PAPPA2: variants seen among roughly 807,000 people sequenced by gnomAD.
PAPPA2 encodes pappalysin-2.
PAPPA2 carries 86 observed loss-of-function variants against 176.4 expected under a neutral mutation model. The observed-to-expected ratio is 0.49, with a 90% CI of 0.41 to 0.58. The LOEUF is 0.58. PAPPA2 is among the 20% of genes least tolerant of loss of function. PAPPA2 has a pLI of 0.00. For missense variants in PAPPA2, 2,073 were observed against 2,256.9 expected, an observed-to-expected ratio of 0.92 and a Z score of 1.65; for synonymous variants, 809 against 852.2, an observed-to-expected ratio of 0.95 and a Z score of 0.88.
intron 3 of PAPPA2, among the ~76,000 whole-genome samples, chr1:176,627,578 A>T (rs1470282175): frequency 6.6e-6 from 1 of 152,204 alleles, no homozygotes; most frequent in African/African-American, 2.4e-5. Context: ...AAAGAGTCTT[A>T]AAAAAGGTGT....
intron 1 of PAPPA2, among the ~76,000 whole-genome samples, chr1:176,520,268 C>G (rs964510024): frequency 6.6e-6 from 1 of 152,182 alleles, no homozygotes; most frequent in Non-Finnish European, 1.5e-5. Flanking sequence ...AGAGACTGTA[C>G]CATGCTGGAG....
intron 3 of PAPPA2, among the ~76,000 whole-genome samples, chr1:176,623,193 A>G (rs779029210): frequency 7.2e-5 from 11 of 152,184 alleles, no homozygotes; most frequent in Admixed American, 6.5e-5. Flanking sequence ...TATTATTATT[A>G]TAATCATTCT....
chr1:176,730,209 C>T (rs1302811770), intron 12 of PAPPA2, among the ~76,000 whole-genome samples: 2 of 151,732 alleles, frequency 1.3e-5, no homozygotes. Flanking sequence ...TCTGTTTCTT[C>T]AAAATTTGGC....
At chr1:176,705,801 G>A (rs1470313508) in intron 9 of PAPPA2, among the ~76,000 whole-genome samples, 1 of 152,196 alleles carries the variant, frequency 6.6e-6, no homozygotes, top group Non-Finnish European at 1.5e-5. Flanking sequence ...ACAGGGACCT[G>A]AGCCCTAAGG....
chr1:176,746,325 C>T lies in PAPPA2; in HGVS notation c.4151+6129C>T, dbSNP rs141408928. On this transcript the variant is annotated intron_variant, in intron 14 of 22. Coordinates refer to ENST00000367662, the MANE Select transcript of PAPPA2 (RefSeq NM_020318.3). ...CAGCAGAGAAAGTCTTGTCAAATAACCAAGAGGAAACCTCTGTTCTCTGTG... is the reference window on the plus strand; with the variant it reads ...CAGCAGAGAAAGTCTTGTCAAATAATCAAGAGGAAACCTCTGTTCTCTGTG... Among the ~76,000 whole-genome samples, 16 of 152,316 alleles carry T rather than the reference C, an allele frequency of 1.1e-4. No homozygotes were observed. The East Asian group carries it at 3.1e-3, about 29-fold the overall frequency.
At chr1:176,648,711 T>C (rs1392640032) in intron 3 of PAPPA2, among the ~76,000 whole-genome samples, 1 of 151,682 alleles carries the variant, frequency 6.6e-6, no homozygotes, top group Non-Finnish European at 1.5e-5. Flanking sequence ...TTGTTCTTGG[T>C]TATGTTAATG....
At position 176,793,634 on chromosome 1, in the gene PAPPA2, A is replaced by G. The variant is rs562512350; in HGVS notation, c.5095A>G (p.Thr1699Ala). Residue 1699 changes from threonine to alanine, a missense_variant, in exon 20 of 23, where the codon ACT (threonine) becomes GCT (alanine). By Grantham distance (58) the Thr-to-Ala change is moderately conservative. Coordinates refer to ENST00000367662, the MANE Select transcript of PAPPA2 (RefSeq NM_020318.3). ...VMLPENITAD[T>A]LEHWMEPVKV... ...GCTACCTGAGAATATCACTGCTGAC[A>G]CTCTGGAGCACTGGATGGAACCTGT... 1.2e-6 allele frequency: 2 copies of G among 1,612,472 alleles called. No individual in the cohort carries two copies. Among genetic ancestry groups the G allele is most frequent in the African/African-American group, 1.3e-5 (1 of 74,960 alleles).
intron 3 of PAPPA2, among the ~76,000 whole-genome samples, chr1:176,661,090 T>C (rs1658334714): frequency 6.6e-6 from 1 of 152,124 alleles, no homozygotes; most frequent in Non-Finnish European, 1.5e-5. Flanking sequence ...TCTCACACTA[T>C]TTCTTCAGTC....
At chr1:176,535,157 G>A (rs553758721) in intron 1 of PAPPA2, among the ~76,000 whole-genome samples, 11 of 152,200 alleles carry the variant, frequency 7.2e-5, no homozygotes, top group Admixed American at 6.5e-4. Flanking sequence ...TAAAATGTGC[G>A]AAAAAAGTGT....
At chr1:176,817,086 G>A (rs912994987) in intron 21 of PAPPA2, among the ~76,000 whole-genome samples, 10 of 152,102 alleles carry the variant, frequency 6.6e-5, no homozygotes, top group Non-Finnish European at 8.8e-5. Context: ...TGTTCTAAGC[G>A]CTAGGGGATC....
chr1:176,502,551 T>G (rs1648025975), intron 1 of PAPPA2, among the ~76,000 whole-genome samples: 1 of 152,188 alleles, frequency 6.6e-6, no homozygotes, highest in Non-Finnish European at 1.5e-5. Flanking sequence ...GCTCCACCCT[T>G]GAACAACTAG....
intron 3 of PAPPA2, among the ~76,000 whole-genome samples, chr1:176,607,736 T>A (rs536907421): frequency 5.8e-4 from 89 of 152,164 alleles, no homozygotes; most frequent in Admixed American, 1.4e-3. Flanking sequence ...TTTGAATAGC[T>A]GTTTTTTATT....
At chr1:176,610,309 A>G (rs1238291968) in intron 3 of PAPPA2, among the ~76,000 whole-genome samples, 1 of 148,310 alleles carries the variant, frequency 6.7e-6, no homozygotes, top group Non-Finnish European at 1.5e-5. Context: ...AGGTACTCAG[A>G]ATTGCCTGCT....
At chr1:176,753,963 T>A (rs1663298581) in intron 14 of PAPPA2, among the ~76,000 whole-genome samples, 1 of 151,590 alleles carries the variant, frequency 6.6e-6, no homozygotes, top group South Asian at 2.1e-4. Context: ...GATGGCTGGC[T>A]GTATGACAAG....
At chr1:176,561,175 T>C (rs948432523) in intron 2 of PAPPA2, among the ~76,000 whole-genome samples, 1 of 152,220 alleles carries the variant, frequency 6.6e-6, no homozygotes, top group Admixed American at 6.5e-5. Context: ...TGCCTTCATT[T>C]CCTCAAATGG....
intron 21 of PAPPA2, among the ~76,000 whole-genome samples, chr1:176,829,449 C>T (rs1050785940): frequency 1.3e-5 from 2 of 152,228 alleles, no homozygotes; most frequent in East Asian, 3.9e-4. Context: ...CATGTGCCTG[C>T]ATGCGGTGAA....
At chr1:176,816,581 G>C (rs1477125530) in intron 21 of PAPPA2, among the ~76,000 whole-genome samples, 2 of 151,574 alleles carry the variant, frequency 1.3e-5, no homozygotes, top group Non-Finnish European at 2.9e-5. Context: ...TTTATCAGCT[G>C]CCATCATCTC....
chr1:176,556,336 A>C lies in PAPPA2; in HGVS notation c.14A>C (p.Lys5Thr). ...GCTAGGGGAGGTATGATGTGCTTAA[A>C]GATCCTAAGAATAAGCCTGGCGATT... Reference protein sequence around the residue: MMCLKILRISLAILA... With the variant: MMCLTILRISLAILA... Residue 5 changes from lysine (K) to threonine (T), a missense_variant, in exon 2 of 23, where the codon AAG becomes ACG. Lys to Thr is a moderately conservative substitution (Grantham distance 78, BLOSUM62 -1). This residue lies in a region of PAPPA2 where 1,196 missense variants were observed against 1,330.4 expected (regional missense o/e 0.90). Coordinates refer to ENST00000367662, the MANE Select transcript of PAPPA2 (RefSeq NM_020318.3). The C allele has an allele frequency of 2.5e-6, 4 of 1,613,728 alleles. No individual in the cohort carries two copies. Among genetic ancestry groups the C allele is most frequent in the Non-Finnish European group, 3.4e-6 (4 of 1,179,772 alleles).
At chr1:176,735,318 T>C (rs1662347504) in intron 12 of PAPPA2, among the ~76,000 whole-genome samples, 2 of 152,076 alleles carry the variant, frequency 1.3e-5, no homozygotes, top group Non-Finnish European at 2.9e-5. Flanking sequence ...GGAAGTGCCA[T>C]AGATGAGTGA....
Sources: allele counts gnomAD v4.1 joint callset (sites outside exome capture counted in the v4.1 genomes callset), GRCh38; gene constraint gnomAD v4.1.1; regional missense constraint gnomAD v4.1.1; transcripts MANE v1.5; gene names NCBI Gene and HGNC (gene_info 2026-07-23, HGNC 2026-07-21).